ABLIM1: variants seen among roughly 807,000 people sequenced by gnomAD.
ABLIM1 encodes the protein actin-binding LIM protein 1.
Under a neutral mutation model 107.0 loss-of-function variants are expected in ABLIM1, and 40 were observed. That is an observed-to-expected ratio of 0.37 (90% CI 0.29 to 0.49). The LOEUF (loss-of-function observed/expected upper bound fraction) is 0.49. Among genes scored for constraint, ABLIM1 ranks in the 20% least tolerant of loss-of-function variants. The pLI is 0.97. For synonymous variants in ABLIM1, 357 were observed against 357.3 expected (o/e 1.00, Z 0.01); for missense variants, 857 against 1,008.5 (o/e 0.85, Z 2.04).
At chr10:114,471,030 G>A (rs1303425014) in intron 10 of ABLIM1, among the ~76,000 whole-genome samples, 3 of 152,104 alleles carry the variant, frequency 2.0e-5, no homozygotes, top group Non-Finnish European at 4.4e-5. Context: ...GACTACAGGC[G>A]TGTGCCATCA....
In ABLIM1 at chr10:114,451,579, C is replaced by T. The variant is rs774859117; in HGVS notation, c.1594+45G>A. On this transcript the variant is annotated intron_variant, in intron 14 of 22. Transcript: ENST00000533213. ...CAGAGGACAGCAAGGAGAAGTTCAG[C>T]TGACTTTGCTATTTAAAAGCTACGC... The T allele has an allele frequency of 5.1e-6, 8 of 1,559,000 alleles. No individual in the cohort carries two copies. In the South Asian group the frequency reaches 7.8e-5, roughly 15 times the overall value.
chr10:114,606,755 G>A (rs56743036), intron 1 of ABLIM1, among the ~76,000 whole-genome samples: 3,949 of 152,240 alleles, frequency 0.026, 192 homozygotes, highest in African/African-American at 0.09. Context: ...AGGAAGAGCA[G>A]GTACTGTCAA....
Position 114,606,583 on chromosome 10 carries a change from A to T in ABLIM1, c.245-4622T>A, listed in dbSNP as rs113458682. ...CTCTGGGTCATCTGAAATACTCAGT[A>T]TCTTGCAGGTAACATACACATTCTC... On this transcript the variant is annotated intron_variant, in intron 1 of 22. Coordinates refer to ENST00000533213, the MANE Select transcript of ABLIM1 (RefSeq NM_002313.7). Among the ~76,000 whole-genome samples the T allele has an allele frequency of 5.2e-3, 798 of 152,252 alleles. 15 individuals are homozygous for T. Among genetic ancestry groups the T allele is most frequent in the African/African-American group, 0.018 (747 of 41,554 alleles).
chr10:114,631,472 C>G (rs964139230), intron 1 of ABLIM1, among the ~76,000 whole-genome samples: 1 of 152,164 alleles, frequency 6.6e-6, no homozygotes, highest in Non-Finnish European at 1.5e-5. Flanking sequence ...CTAGCGAGGC[C>G]TGGGCATGTC....
intron 10 of ABLIM1, among the ~76,000 whole-genome samples, chr10:114,470,999 C>T (rs764475171): frequency 6.6e-6 from 1 of 152,222 alleles, no homozygotes; most frequent in African/African-American, 2.4e-5. Flanking sequence ...ATCCTCCCAT[C>T]TCAGCCTCCC....
At chr10:114,724,160 A>G (rs1375082719) in intron 1 of ABLIM1, among the ~76,000 whole-genome samples, 1 of 152,202 alleles carries the variant, frequency 6.6e-6, no homozygotes, top group Non-Finnish European at 1.5e-5. Context: ...TGATATTTAC[A>G]TTGCACATTC....
At chr10:114,558,029 C>G (rs900751110) in intron 4 of ABLIM1, among the ~76,000 whole-genome samples, 1 of 152,120 alleles carries the variant, frequency 6.6e-6, no homozygotes, top group African/African-American at 2.4e-5. Flanking sequence ...AGATTTGAAA[C>G]TGATCTCCCA....
At chr10:114,737,256 A>G (rs944957712) in intron 1 of ABLIM1, among the ~76,000 whole-genome samples, 1 of 152,188 alleles carries the variant, frequency 6.6e-6, no homozygotes, top group African/African-American at 2.4e-5. Flanking sequence ...ACCAGGAGGC[A>G]GAGATTGCAG....
At chr10:114,742,415 C>G (rs1412191929) in intron 1 of ABLIM1, among the ~76,000 whole-genome samples, 1 of 152,186 alleles carries the variant, frequency 6.6e-6, no homozygotes, top group Non-Finnish European at 1.5e-5. Flanking sequence ...TGCAATTGAT[C>G]TTTGTGCCCC....
intron 6 of ABLIM1, among the ~76,000 whole-genome samples, chr10:114,513,155 T>C (rs1186292076): frequency 6.6e-6 from 1 of 152,160 alleles, no homozygotes; most frequent in Non-Finnish European, 1.5e-5. Flanking sequence ...AAGTTACTTT[T>C]CTGTGTAATT....
intron 1 of ABLIM1, among the ~76,000 whole-genome samples, chr10:114,614,985 G>T (rs2077036529): frequency 6.7e-6 from 1 of 150,324 alleles, no homozygotes. Flanking sequence ...GGGGGGCAGA[G>T]ATTGCAGTGA....
chr10:114,741,095 T>C (rs1450860034), intron 1 of ABLIM1, among the ~76,000 whole-genome samples: 1 of 151,220 alleles, frequency 6.6e-6, no homozygotes, highest in African/African-American at 2.4e-5. Context: ...GGGTGATACA[T>C]AGACTGAAAA....
intron 1 of ABLIM1, among the ~76,000 whole-genome samples, chr10:114,656,320 A>T (rs909465256): frequency 1.3e-5 from 2 of 150,356 alleles, no homozygotes; most frequent in African/African-American, 4.9e-5. Flanking sequence ...GTTAGCAAGG[A>T]TGTGGAGAAA....
chr10:114,566,188 G>A (rs139602713), intron 4 of ABLIM1, among the ~76,000 whole-genome samples: 34 of 152,268 alleles, frequency 2.2e-4, no homozygotes, highest in African/African-American at 7.2e-4. Flanking sequence ...ACACAGAGGA[G>A]GGAAAAGAGA....
chr10:114,717,174 C>T (rs2081689252), intron 1 of ABLIM1, among the ~76,000 whole-genome samples: 1 of 152,174 alleles, frequency 6.6e-6, no homozygotes, highest in South Asian at 2.1e-4. Flanking sequence ...TTACCATTAT[C>T]ATTTTTTAGG....
At chr10:114,692,994 G>C (rs1396924553) in intron 1 of ABLIM1, among the ~76,000 whole-genome samples, 1 of 152,368 alleles carries the variant, frequency 6.6e-6, no homozygotes, top group East Asian at 1.9e-4. Flanking sequence ...AGCCACTGGA[G>C]TTAGAAACAA....
In ABLIM1 at chr10:114,453,462, C is replaced by T. The variant is rs758094434; in HGVS notation, c.1463G>A (p.Arg488Gln). ...TGGCCGGTAAGGGAGAGGGGAGTTC[C>T]GGCCGCTGGACGGCTCATTGCCTCC... is the stretch of plus-strand genomic sequence containing the variant. The part of the protein sequence containing the change: ...HRPGNEPSSG[R>Q]NSPLPYRPDS... The change falls in exon 13 of 23, where the codon CGG becomes CAG. Residue 488 changes from arginine (R) to glutamine (Q), a missense_variant. Physicochemically the swap from Arg to Gln is conservative, Grantham distance 43. Coordinates refer to ENST00000533213, the MANE Select transcript of ABLIM1 (RefSeq NM_002313.7). 2.9e-5 allele frequency: 47 copies of T among 1,605,714 alleles called. No individual in the cohort carries two copies. Among genetic ancestry groups the T allele is most frequent in the South Asian group, 2.3e-4 (21 of 90,442 alleles).
At chr10:114,764,397 G>C (rs1260722662) in intron 1 of ABLIM1, among the ~76,000 whole-genome samples, 1 of 152,158 alleles carries the variant, frequency 6.6e-6, no homozygotes, top group Admixed American at 6.6e-5. Context: ...TTTTGAGATA[G>C]AGTCTCAGTC....
In ABLIM1 at chr10:114,664,786, C is replaced by T. The variant is rs538916599; in HGVS notation, c.64+19504G>A. On this transcript the variant is annotated intron_variant, in intron 1 of 23. Transcript: ENST00000369256. ...CTCGAACTCCTGGCCTCAGGTGATC[C>T]GCTCGCCTCAGCCTCCCAAAGTGTT... Among the ~76,000 whole-genome samples, 285 of 150,830 alleles carry T rather than the reference C, an allele frequency of 1.9e-3. 1 individual carries two copies. The highest frequency in any genetic ancestry group is 6.8e-3 in the Middle Eastern group (2 of 292).
Sources: gnomAD v4.1 joint callset for allele counts (sites outside exome capture counted in the v4.1 genomes callset) on GRCh38, gnomAD v4.1.1 for gene constraint, MANE v1.5 for transcripts, NCBI Gene and HGNC (gene_info 2026-07-23, HGNC 2026-07-21) for gene names.